The following CYRIA variants were observed in gnomAD, a reference collection of about 807,000 sequenced individuals.
CYRIA encodes CYFIP related Rac1 interactor A.
A neutral mutation model predicts 43.9 loss-of-function variants in CYRIA; 15 were observed. The observed-to-expected ratio is 0.34, with a 90% CI of 0.23 to 0.53. The LOEUF (loss-of-function observed/expected upper bound fraction) is 0.53, where lower values mean the gene tolerates loss of function less well. CYRIA is among the 20% of genes least tolerant of loss of function. The probability of loss-of-function intolerance (pLI) is 0.94; values close to 1 mark genes in which losing one functional copy is unlikely to be tolerated. For missense variants in CYRIA, 236 were observed against 394.2 expected, an observed-to-expected ratio of 0.60 and a Z score of 3.40; for synonymous variants, 117 against 136.0, an observed-to-expected ratio of 0.86 and a Z score of 0.97.
At chr2:16,614,749 G>A (rs1668722316) in intron 2 of CYRIA, among the ~76,000 whole-genome samples, 1 of 152,230 alleles carries the variant, frequency 6.6e-6, no homozygotes, top group Non-Finnish European at 1.5e-5. Context: ...ACGGAGCGTA[G>A]AGACACCCGG....
intron 2 of CYRIA, among the ~76,000 whole-genome samples, chr2:16,604,390 C>T (rs1423192248): frequency 2.0e-5 from 3 of 152,240 alleles, no homozygotes; most frequent in Non-Finnish European, 4.4e-5. Context: ...AAGCCAGCAG[C>T]ACTTCTGGCT....
rs1329162500 is a variant in CYRIA, at chr2:16,550,716, G to C, written c.*2220C>G. Reference sequence around the variant, plus strand: ...CATTAGCCAGCTGAGAGTCAGCTGTGGTAGAGACACACGACATGGGTTCAA... The same window carrying C: ...CATTAGCCAGCTGAGAGTCAGCTGTCGTAGAGACACACGACATGGGTTCAA... On this transcript the variant is annotated 3_prime_UTR_variant, in exon 12 of 12. Transcript: ENST00000381323. The C allele has an allele frequency of 6.6e-6, 1 of 152,170 alleles. No homozygotes were observed. Among genetic ancestry groups the C allele is most frequent in the Non-Finnish European group, 1.5e-5 (1 of 68,018 alleles). 9.4% of individuals were successfully genotyped at this position (152,170 alleles called of 1,614,324 possible).
At chr2:16,575,133 C>A (rs1667287662) in intron 3 of CYRIA, among the ~76,000 whole-genome samples, 1 of 152,120 alleles carries the variant, frequency 6.6e-6, no homozygotes, top group Admixed American at 6.6e-5. Context: ...CAAAAGAGAT[C>A]ATGTTGTAGC....
chr2:16,646,846 C>A (rs866691887), intron 1 of CYRIA, among the ~76,000 whole-genome samples: 1 of 152,058 alleles, frequency 6.6e-6, no homozygotes, highest in Admixed American at 6.6e-5. Flanking sequence ...TCTCTCTTTG[C>A]TTCTGTGTCT....
chr2:16,644,263 AC>A (rs1273815417), intron 1 of CYRIA, among the ~76,000 whole-genome samples: 1 of 152,176 alleles, frequency 6.6e-6, no homozygotes, highest in East Asian at 1.9e-4. Context: ...GCCTGGTTTG[AC>A]CCCAGGTAGA....
chr2:16,651,608 A>C (rs1321201471), intron 1 of CYRIA, among the ~76,000 whole-genome samples: 1 of 152,204 alleles, frequency 6.6e-6, no homozygotes, highest in African/African-American at 2.4e-5. Flanking sequence ...AGAGCTTTCA[A>C]CTTGTTTTCA....
intron 3 of CYRIA, among the ~76,000 whole-genome samples, chr2:16,580,954 T>A (rs566523867): frequency 5.7e-4 from 87 of 152,302 alleles, no homozygotes; most frequent in African/African-American, 2.0e-3. Flanking sequence ...AAAAATTAGT[T>A]GAAGATCAGT....
intron 3 of CYRIA, among the ~76,000 whole-genome samples, chr2:16,580,774 G>T (rs1315182733): frequency 3.3e-5 from 5 of 152,108 alleles, no homozygotes; most frequent in African/African-American, 9.7e-5. Flanking sequence ...TGGTGAGAAG[G>T]TAGATCAATA....
At chr2:16,604,484 GAC>G (rs1668319950) in intron 2 of CYRIA, among the ~76,000 whole-genome samples, 1 of 152,204 alleles carries the variant, frequency 6.6e-6, no homozygotes, top group African/African-American at 2.4e-5. Context: ...AGATGACTCA[GAC>G]ACGCTTTCTC....
Position 16,567,134 on chromosome 2 carries a change from A to G in CYRIA, c.71-1367T>C, listed in dbSNP as rs148328856. ...ATAAAAAAAAGACAGGGCTGGGTGC[A>G]GTGGCTCACACTTGTAATCCCAGCA... On this transcript the variant is annotated intron_variant, in intron 3 of 11. Coordinates refer to ENST00000381323, the MANE Select transcript of CYRIA (RefSeq NM_030797.4). Among the ~76,000 whole-genome samples, 734 of 152,258 alleles carry G rather than the reference A, an allele frequency of 4.8e-3. 7 individuals carry two copies. The highest frequency in any genetic ancestry group is 0.016 in the African/African-American group (658 of 41,572).
intron 3 of CYRIA, among the ~76,000 whole-genome samples, chr2:16,583,910 T>C (rs1304452092): frequency 1.3e-5 from 2 of 152,216 alleles, no homozygotes; most frequent in African/African-American, 4.8e-5. Context: ...GCAACAGGAA[T>C]ACCTAAGGAC....
chr2:16,622,203 C>A (rs763654093), intron 2 of CYRIA, among the ~76,000 whole-genome samples: 13 of 152,174 alleles, frequency 8.5e-5, no homozygotes, highest in Non-Finnish European at 1.9e-4. Flanking sequence ...GAAAAAGCCA[C>A]CGGGAGGGAA....
chr2:16,599,639 C>T (rs1404071159), intron 2 of CYRIA, among the ~76,000 whole-genome samples: 2 of 147,110 alleles, frequency 1.4e-5, no homozygotes, highest in African/African-American at 5.1e-5. Flanking sequence ...TCTGGCACTC[C>T]CTAGTGAGAT....
chr2:16,648,696 G>A (rs909590541), intron 1 of CYRIA, among the ~76,000 whole-genome samples: 1 of 152,180 alleles, frequency 6.6e-6, no homozygotes, highest in Non-Finnish European at 1.5e-5. Context: ...CAGATTATTG[G>A]AGCAGCTGTG....
intron 3 of CYRIA, among the ~76,000 whole-genome samples, chr2:16,572,768 G>A (rs753427571): frequency 6.6e-6 from 1 of 152,130 alleles, no homozygotes; most frequent in Non-Finnish European, 1.5e-5. Context: ...TTCCTATTAT[G>A]TTAATTAATG....
In CYRIA at chr2:16,662,714, T is replaced by C. The variant is rs114466252; in HGVS notation, c.-167+3066A>G. ...GGGCTGATGTGTGGCTCTCCAACCA[T>C]CACTCCATTGCTCCTCAAGTGGACA... is the stretch of plus-strand genomic sequence containing the variant. On this transcript the variant is annotated intron_variant, in intron 1 of 11. Coordinates refer to ENST00000381323, the MANE Select transcript of CYRIA (RefSeq NM_030797.4). Among the ~76,000 whole-genome samples, 1,163 of 152,298 alleles carry C rather than the reference T, an allele frequency of 7.6e-3. 19 individuals carry two copies. Among genetic ancestry groups the C allele is most frequent in the African/African-American group, 0.026 (1,099 of 41,558 alleles).
At chr2:16,603,292 G>T (rs1471399665) in intron 2 of CYRIA, among the ~76,000 whole-genome samples, 3 of 152,214 alleles carry the variant, frequency 2.0e-5, no homozygotes, top group African/African-American at 4.8e-5. Context: ...GCAGGCCAGA[G>T]TGAGGAGGGT....
At position 16,645,405 on chromosome 2, in the gene CYRIA, C is replaced by T. The variant is rs143725679; in HGVS notation, c.-167+20375G>A. Among the ~76,000 whole-genome samples the T allele has an allele frequency of 2.7e-4, 41 of 152,304 alleles. No homozygotes were observed. In the East Asian group the frequency reaches 5.0e-3, roughly 19 times the overall value. ...GCTTCCTTATATAATAAAAACGAAG[C>T]GGATATGCACCTTATATAGCCGCTG... On this transcript the variant is annotated intron_variant, in intron 1 of 11. Coordinates refer to ENST00000381323, the MANE Select transcript of CYRIA (RefSeq NM_030797.4).
intron 1 of CYRIA, among the ~76,000 whole-genome samples, chr2:16,656,849 G>A (rs1162413889): frequency 2.0e-5 from 3 of 152,224 alleles, no homozygotes; most frequent in African/African-American, 7.2e-5. Context: ...GAGCGTCAGT[G>A]GCGTGAATGG....
Sources: gnomAD v4.1 joint callset for allele counts (sites outside exome capture counted in the v4.1 genomes callset) on GRCh38, gnomAD v4.1.1 for gene constraint, MANE v1.5 for transcripts, NCBI Gene and HGNC (gene_info 2026-07-23, HGNC 2026-07-21) for gene names.